The following TSG101 variants were observed in gnomAD, a reference collection of about 807,000 sequenced individuals.
The protein encoded by TSG101 is tumor susceptibility 101.
Under a neutral mutation model 48.5 loss-of-function variants are expected in TSG101, and 19 were observed. That is an observed-to-expected ratio of 0.39 (90% confidence interval 0.27 to 0.58). The LOEUF is 0.58. TSG101 is among the 20% of genes least tolerant of loss of function. The pLI, the probability that TSG101 is intolerant of heterozygous loss-of-function variation, is 0.55. For synonymous variants in TSG101, 174 were observed against 169.4 expected (o/e 1.03, Z -0.21); for missense variants, 365 against 484.4 (o/e 0.75, Z 2.31).
At chr11:18,521,252 C>T (rs1318052696) in intron 1 of TSG101, among the ~76,000 whole-genome samples, 3 of 151,822 alleles carry the variant, frequency 2.0e-5, no homozygotes, top group Non-Finnish European at 4.4e-5. Flanking sequence ...ATTAAGGTCA[C>T]CAATAACTGC....
rs1850388237 is a variant in TSG101, at chr11:18,526,909, C to T, written c.-93G>A. ...TCCCACACAATCGCACACCCCCAAC[C>T]CGGCCTCAAACAACAGGAAGTCGGC... On this transcript the variant is annotated 5_prime_UTR_variant, in exon 1 of 10. Coordinates refer to ENST00000251968, the MANE Select transcript of TSG101 (RefSeq NM_006292.4). 2.4e-5 allele frequency: 34 copies of T among 1,422,362 alleles called. No homozygotes were observed. The highest frequency in any genetic ancestry group is 3.2e-5 in the Non-Finnish European group (34 of 1,048,500). 88.1% of individuals were successfully genotyped at this position (1,422,362 alleles called of 1,614,324 possible).
intron 1 of TSG101, chr11:18,525,540 TAAA>T (rs756622322): frequency 4.5e-3 from 501 of 111,220 alleles, no homozygotes; most frequent in Non-Finnish European, 6.3e-3. Flanking sequence ...AGCAAGACTC[TAAA>T]AAAAAAAAAA....
rs543471630 is a variant in TSG101, at chr11:18,505,319, C to T, written c.548+1538G>A. On this transcript the variant is annotated intron_variant, in intron 6 of 9. Transcript: ENST00000251968. ...TTGGCCAGACTGGAGTACAGTGGTG[C>T]AATTACGGCTCATTGCATCCTCGAT... 7.3e-5 allele frequency among the ~76,000 whole-genome samples: 11 copies of T among 151,552 alleles called. No homozygotes were observed. In the South Asian group the frequency reaches 2.3e-3, roughly 31 times the overall value.
intron 4 of TSG101, chr11:18,511,585 C>A (rs1332867542): frequency 6.6e-6 from 1 of 152,128 alleles, no homozygotes; most frequent in Admixed American, 6.5e-5. Context: ...TTCGGCCCAA[C>A]AAAATTCCTT....
At chr11:18,500,237 T>A (rs1849867159) in intron 7 of TSG101, among the ~76,000 whole-genome samples, 1 of 152,236 alleles carries the variant, frequency 6.6e-6, no homozygotes, top group Non-Finnish European at 1.5e-5. Flanking sequence ...CTGATAAATA[T>A]TTAGGTTCAC....
chr11:18,526,890 A>C lies in TSG101; in HGVS notation c.-74T>G. On this transcript the variant is annotated 5_prime_UTR_variant, in exon 1 of 10. Transcript: ENST00000251968. ...GCTGGGCTGCCCCAGACCGTCCCACACAATCGCACACCCCCAACCCGGCCT... is the reference window on the plus strand; with the variant it reads ...GCTGGGCTGCCCCAGACCGTCCCACCCAATCGCACACCCCCAACCCGGCCT... The C allele has an allele frequency of 1.3e-6, 2 of 1,510,798 alleles. No homozygotes were observed. The highest frequency in any genetic ancestry group is 1.8e-6 in the Non-Finnish European group (2 of 1,117,786). 93.6% of individuals were successfully genotyped at this position (1,510,798 alleles called of 1,614,324 possible).
chr11:18,484,174 C>T, intron 7 of TSG101, 102 bp from the exon 8 acceptor site: 3 of 1,180,138 alleles, frequency 2.5e-6, no homozygotes, highest in Non-Finnish European at 3.6e-6. Context: ...CCGACACTTT[C>T]AAAATGTGAG....
intron 7 of TSG101, among the ~76,000 whole-genome samples, chr11:18,498,971 G>C (rs558237201): frequency 6.6e-6 from 1 of 151,874 alleles, no homozygotes; most frequent in Non-Finnish European, 1.5e-5. Flanking sequence ...AGTAAGATGA[G>C]AATAGTAACT....
intron 2 of TSG101, 96 bp from the exon 3 acceptor site, chr11:18,516,260 C>A: frequency 9.4e-7 from 1 of 1,066,232 alleles, no homozygotes; most frequent in South Asian, 1.4e-5. Context: ...CATCATTATC[C>A]TTGAAAGGGG....
Position 18,514,741 on chromosome 11 carries a change from T to C in TSG101, c.294A>G (p.Lys98=). ...CATTTGCATCAACATGCTTTCCTGT[T>C]TTAATAGTCATTGAACTAGTAGGCT... The part of the protein sequence containing the change: ...FVKPTSSMTI[K]TGKHVDANGK... The change falls in exon 4 of 10, where the codon AAA becomes AAG. Residue 98 remains lysine, a synonymous_variant. Coordinates refer to ENST00000251968, the MANE Select transcript of TSG101 (RefSeq NM_006292.4). 3.8e-6 allele frequency: 6 copies of C among 1,596,598 alleles called. No individual in the cohort carries two copies. The highest frequency in any genetic ancestry group is 5.1e-6 in the Non-Finnish European group (6 of 1,174,490).
chr11:18,493,246 A>G (rs1334048100), intron 7 of TSG101, among the ~76,000 whole-genome samples: 1 of 152,186 alleles, frequency 6.6e-6, no homozygotes, highest in Non-Finnish European at 1.5e-5. Context: ...AATAAGATAT[A>G]ATTTTTCTAG....
At chr11:18,526,387 T>G (rs572721097) in intron 1 of TSG101, among the ~76,000 whole-genome samples, 2 of 152,362 alleles carry the variant, frequency 1.3e-5, no homozygotes, top group East Asian at 3.9e-4. Context: ...GATCCCTAGA[T>G]TGGGACAGGA....
At chr11:18,516,707 C>T (rs1238371854) in intron 2 of TSG101, among the ~76,000 whole-genome samples, 1 of 151,800 alleles carries the variant, frequency 6.6e-6, no homozygotes, top group African/African-American at 2.4e-5. Context: ...TTTGAGAGGC[C>T]GAGGCAGGTG....
At chr11:18,503,678 A>G (rs1374957619) in intron 6 of TSG101, among the ~76,000 whole-genome samples, 1 of 151,968 alleles carries the variant, frequency 6.6e-6, no homozygotes, top group East Asian at 1.9e-4. Context: ...AGCCCTAACT[A>G]TTCTTAATTC....
At chr11:18,519,722 C>A in intron 1 of TSG101, 119 bp from the exon 2 acceptor site, 1 of 671,858 alleles carries the variant, frequency 1.5e-6, no homozygotes, top group Admixed American at 3.0e-5. Context: ...CCTGAAAGAA[C>A]CTAAAAAACC....
chr11:18,482,722 T>G (rs924482891), intron 8 of TSG101, among the ~76,000 whole-genome samples: 1 of 152,196 alleles, frequency 6.6e-6, no homozygotes, highest in Non-Finnish European at 1.5e-5. Flanking sequence ...CAACCAAGTA[T>G]CTCTGGATTA....
At chr11:18,521,058 A>G (rs1850265146) in intron 1 of TSG101, among the ~76,000 whole-genome samples, 1 of 151,722 alleles carries the variant, frequency 6.6e-6, no homozygotes, top group Non-Finnish European at 1.5e-5. Flanking sequence ...ATTTGCTTTT[A>G]TATTTTTCTC....
At chr11:18,499,402 A>ATATATATATATATTT in intron 7 of TSG101, among the ~76,000 whole-genome samples, 3 of 5,454 alleles carry the variant, frequency 5.5e-4, no homozygotes, top group African/African-American at 1.5e-3. Context: ...ATATATATAT[A>ATATATATATATATTT]TTTTTTTTTT....
intron 7 of TSG101, among the ~76,000 whole-genome samples, chr11:18,495,482 C>T (rs1286393005): frequency 1.3e-5 from 2 of 152,106 alleles, no homozygotes; most frequent in Admixed American, 6.5e-5. Context: ...TTACCAGGGG[C>T]AGGGGTGGTG....
Sources: gnomAD v4.1 joint callset for allele counts (sites outside exome capture counted in the v4.1 genomes callset) on GRCh38, gnomAD v4.1.1 for gene constraint, MANE v1.5 for transcripts, NCBI Gene and HGNC (gene_info 2026-07-23, HGNC 2026-07-21) for gene names.